Variants in DSCAM observed in about 807,000 individuals in gnomAD.
DSCAM encodes the protein cell adhesion molecule DSCAM.
In DSCAM, 47 loss-of-function variants were observed where a neutral mutation model predicts 217.7. The ratio of observed to expected loss-of-function variants is 0.22; its 90% CI spans 0.17 to 0.28. The LOEUF is 0.28. DSCAM is among the 10% of genes least tolerant of loss of function. DSCAM has a pLI of 1.00. For missense variants in DSCAM, 2,080 were observed against 2,618.3 expected (o/e 0.79, Z 4.49); for synonymous variants, 1,056 against 1,015.3 (o/e 1.04, Z -0.76).
At chr21:40,121,577 C>G (rs546325318) in intron 20 of DSCAM, among the ~76,000 whole-genome samples, 2 of 151,664 alleles carry the variant, frequency 1.3e-5, no homozygotes, top group East Asian at 3.9e-4. Flanking sequence ...ATTTCTATGT[C>G]TCTAGTCTTT....
At chr21:40,308,802 A>G (rs1180820276) in intron 9 of DSCAM, among the ~76,000 whole-genome samples, 2 of 152,020 alleles carry the variant, frequency 1.3e-5, no homozygotes, top group African/African-American at 4.8e-5. Context: ...GTTACCTGTT[A>G]CTCTGTGATG....
intron 3 of DSCAM, among the ~76,000 whole-genome samples, chr21:40,656,178 T>C (rs147074940): frequency 1.3e-4 from 20 of 152,332 alleles, no homozygotes; most frequent in Middle Eastern, 3.4e-3. Context: ...CATATGAATT[T>C]TGGGGGGACA....
intron 19 of DSCAM, among the ~76,000 whole-genome samples, chr21:40,129,810 A>C (rs998204017): frequency 2.6e-5 from 4 of 152,180 alleles, no homozygotes; most frequent in African/African-American, 9.7e-5. Flanking sequence ...GTGTGGTCAC[A>C]TAGTCACCCC....
At chr21:40,508,830 G>A (rs2076236052) in intron 3 of DSCAM, among the ~76,000 whole-genome samples, 1 of 120,460 alleles carries the variant, frequency 8.3e-6, no homozygotes, top group African/African-American at 3.1e-5. Context: ...TAGAGACAAG[G>A]TCTCTTTATG....
intron 15 of DSCAM, among the ~76,000 whole-genome samples, chr21:40,170,432 G>T (rs1380435797): frequency 6.6e-6 from 1 of 152,172 alleles, no homozygotes; most frequent in Non-Finnish European, 1.5e-5. Context: ...GCAGGTCCAG[G>T]GACAGCTGGC....
chr21:40,350,857 T>G (rs1027980100), intron 5 of DSCAM, among the ~76,000 whole-genome samples: 1 of 150,954 alleles, frequency 6.6e-6, no homozygotes, highest in Non-Finnish European at 1.5e-5. Flanking sequence ...CATTCAAAAG[T>G]GTTTAGCAAA....
intron 10 of DSCAM, among the ~76,000 whole-genome samples, chr21:40,289,222 G>T (rs1407662896): frequency 6.6e-6 from 1 of 152,186 alleles, no homozygotes; most frequent in Non-Finnish European, 1.5e-5. Flanking sequence ...CAGGGTAATT[G>T]AGCAGAAGAG....
At chr21:40,296,324 G>C in intron 9 of DSCAM, 150 bp from the exon 10 acceptor site, 2 of 1,009,890 alleles carry the variant, frequency 2.0e-6, no homozygotes, top group South Asian at 3.8e-5. Context: ...TGGCAGTTTG[G>C]GACAAATTAA....
chr21:40,791,143 C>A (rs910383298), intron 1 of DSCAM, among the ~76,000 whole-genome samples: 8 of 146,300 alleles, frequency 5.5e-5, no homozygotes, highest in Non-Finnish European at 7.5e-5. Context: ...GGCAACAAAG[C>A]GAGACTTCAT....
intron 3 of DSCAM, among the ~76,000 whole-genome samples, chr21:40,584,324 T>G (rs918518349): frequency 2.4e-4 from 37 of 152,236 alleles, no homozygotes; most frequent in African/African-American, 8.9e-4. Flanking sequence ...ATTACATATA[T>G]TTTGCAAATC....
intron 1 of DSCAM, among the ~76,000 whole-genome samples, chr21:40,711,725 C>T (rs951927796): frequency 6.6e-6 from 1 of 152,246 alleles, no homozygotes; most frequent in Non-Finnish European, 1.5e-5. Flanking sequence ...GGTGGCTCCA[C>T]AAGCCTGGCC....
chr21:40,498,725 ATGGGTGTGTGT>A (rs2076145264), intron 3 of DSCAM, among the ~76,000 whole-genome samples: 1 of 21,910 alleles, frequency 4.6e-5, no homozygotes, highest in Admixed American at 6.4e-4. Flanking sequence ...GTATATATAT[ATGGGTGTGTGT>A]ATATATATAT....
chr21:40,643,009 T>C (rs540602499), intron 3 of DSCAM, among the ~76,000 whole-genome samples: 1 of 152,332 alleles, frequency 6.6e-6, no homozygotes, highest in East Asian at 1.9e-4. Context: ...GGCTGCTGTG[T>C]GTTTCAGGCT....
intron 5 of DSCAM, among the ~76,000 whole-genome samples, chr21:40,352,461 TAG>T (rs1198344163): frequency 6.6e-6 from 1 of 152,128 alleles, no homozygotes; most frequent in Non-Finnish European, 1.5e-5. Context: ...CTGTTCCAGA[TAG>T]AGAGTCATTT....
At chr21:40,649,249 G>A (rs2089985914) in intron 3 of DSCAM, among the ~76,000 whole-genome samples, 2 of 152,100 alleles carry the variant, frequency 1.3e-5, no homozygotes, top group Non-Finnish European at 2.9e-5. Flanking sequence ...AATTCCTCAA[G>A]GTTAGCCTCA....
intron 3 of DSCAM, among the ~76,000 whole-genome samples, chr21:40,547,654 G>A (rs1043454755): frequency 5.9e-5 from 9 of 152,048 alleles, no homozygotes; most frequent in Non-Finnish European, 1.2e-4. Flanking sequence ...AGACACCGGT[G>A]GAATCAAAAG....
At chr21:40,212,344 G>C (rs908172520) in intron 11 of DSCAM, 1 of 154,078 alleles carries the variant, frequency 6.5e-6, no homozygotes, top group Non-Finnish European at 1.5e-5. Flanking sequence ...CTCACCTTGA[G>C]AGGCATAGCC....
intron 1 of DSCAM, among the ~76,000 whole-genome samples, chr21:40,796,875 T>C (rs975621020): frequency 1.3e-5 from 2 of 152,234 alleles, no homozygotes; most frequent in African/African-American, 2.4e-5. Context: ...TCCAATTCTA[T>C]TTTCCAGATT....
At chr21:40,326,761 G>C (rs2074321712) in intron 8 of DSCAM, among the ~76,000 whole-genome samples, 1 of 151,988 alleles carries the variant, frequency 6.6e-6, no homozygotes, top group Admixed American at 6.6e-5. Flanking sequence ...GAAAAATGTG[G>C]GGTACAGTCC....
Sources: allele counts gnomAD v4.1 joint callset (sites outside exome capture counted in the v4.1 genomes callset), GRCh38; gene constraint gnomAD v4.1.1; transcripts MANE v1.5; gene names NCBI Gene and HGNC (gene_info 2026-07-23, HGNC 2026-07-21).